The following AGBL4 variants were observed in gnomAD, a reference collection of about 807,000 sequenced individuals.
AGBL4 encodes the protein AGBL carboxypeptidase 4.
AGBL4 carries 58 observed loss-of-function variants against 66.4 expected under a neutral mutation model. The ratio of observed to expected loss-of-function variants is 0.87; its 90% confidence interval spans 0.71 to 1.09. The LOEUF is 1.09. Ranked by LOEUF, AGBL4 falls within the 50% of genes least tolerant of loss-of-function variation. The pLI, the probability that AGBL4 is intolerant of heterozygous loss-of-function variation, is 0.00. For synonymous variants in AGBL4, 234 were observed against 222.9 expected, an observed-to-expected ratio of 1.05 and a Z score of -0.44; for missense variants, 579 against 631.0, an observed-to-expected ratio of 0.92 and a Z score of 0.88.
intron 1 of AGBL4, among the ~76,000 whole-genome samples, chr1:49,910,711 C>CA (rs1650731326): frequency 6.6e-6 from 1 of 151,436 alleles, no homozygotes. Context: ...CACGGTGGCT[C>CA]ACGCCTGTAA....
At chr1:48,967,889 C>T (rs1327398681) in intron 5 of AGBL4, among the ~76,000 whole-genome samples, 2 of 152,142 alleles carry the variant, frequency 1.3e-5, no homozygotes, top group African/African-American at 2.4e-5. Flanking sequence ...CCACTCATCT[C>T]AGAGTTACTA....
At chr1:49,831,614 C>T (rs6704451) in intron 2 of AGBL4, among the ~76,000 whole-genome samples, 14,264 of 152,088 alleles carry the variant, frequency 0.094, 900 homozygotes, top group African/African-American at 0.17. Flanking sequence ...CTTTCTCTTG[C>T]CTAATTGCCC....
At chr1:49,732,888 T>A (rs1454331383) in intron 2 of AGBL4, among the ~76,000 whole-genome samples, 1 of 151,974 alleles carries the variant, frequency 6.6e-6, no homozygotes, top group African/African-American at 2.4e-5. Context: ...GTAAAAAACA[T>A]GAATCTACAG....
rs1402004253 is a variant in AGBL4, at chr1:49,948,104, A to G, written c.34+75659T>C. Among the ~76,000 whole-genome samples the G allele has an allele frequency of 6.3e-3, 583 of 92,150 alleles. 8 individuals carry two copies. Among genetic ancestry groups the G allele is most frequent in the Middle Eastern group, 0.033 (3 of 90 alleles). 60.5% of individuals were successfully genotyped at this position (92,150 alleles called of 152,430 possible). Reference sequence around the variant, plus strand: ...TATGTAAATATATGTATATGTATATATATGTAAATGTATGTAAATATATAT... The same window carrying G: ...TATGTAAATATATGTATATGTATATGTATGTAAATGTATGTAAATATATAT... On this transcript the variant is annotated intron_variant, in intron 1 of 13. Transcript: ENST00000371839.
chr1:49,854,433 G>A (rs1324235792), intron 1 of AGBL4, among the ~76,000 whole-genome samples: 2 of 152,092 alleles, frequency 1.3e-5, no homozygotes, highest in African/African-American at 2.4e-5. Context: ...CATCACAGAT[G>A]CCTGCAATAG....
chr1:49,835,811 T>C (rs1645832775), intron 2 of AGBL4, among the ~76,000 whole-genome samples: 2 of 152,212 alleles, frequency 1.3e-5, no homozygotes, highest in Admixed American at 1.3e-4. Flanking sequence ...TAGAGGATTT[T>C]ATTTCTCCTT....
intron 5 of AGBL4, among the ~76,000 whole-genome samples, chr1:49,038,251 C>T (rs1478247608): frequency 6.6e-6 from 1 of 152,040 alleles, no homozygotes; most frequent in Non-Finnish European, 1.5e-5. Flanking sequence ...TGAGGCTATA[C>T]ATATGCACAT....
chr1:49,568,642 A>C (rs898796559), intron 3 of AGBL4, among the ~76,000 whole-genome samples: 3 of 152,036 alleles, frequency 2.0e-5, no homozygotes, highest in African/African-American at 7.2e-5. Context: ...CATAGAACTA[A>C]AAAAAAACAA....
chr1:49,690,099 AGAC>A (rs1646858637), intron 3 of AGBL4, among the ~76,000 whole-genome samples: 1 of 152,216 alleles, frequency 6.6e-6, no homozygotes, highest in Non-Finnish European at 1.5e-5. Flanking sequence ...AAAAAGATTA[AGAC>A]TCACTGAAGC....
intron 4 of AGBL4, among the ~76,000 whole-genome samples, chr1:49,111,304 A>G (rs370412025): frequency 3.9e-5 from 6 of 151,988 alleles, no homozygotes; most frequent in South Asian, 2.1e-4. Flanking sequence ...AGTAGAGACG[A>G]GGTTTCACCG....
At chr1:49,004,550 T>C (rs1416777302) in intron 5 of AGBL4, among the ~76,000 whole-genome samples, 2 of 152,174 alleles carry the variant, frequency 1.3e-5, no homozygotes, top group Non-Finnish European at 2.9e-5. Flanking sequence ...AGCTCTGGGC[T>C]GGGCACTGGG....
chr1:49,781,835 A>G (rs1644345207), intron 2 of AGBL4, among the ~76,000 whole-genome samples: 1 of 152,250 alleles, frequency 6.6e-6, no homozygotes, highest in Non-Finnish European at 1.5e-5. Context: ...AACACACAGG[A>G]GAATTTTAGG....
chr1:49,440,068 A>AT (rs1645991795), intron 3 of AGBL4, among the ~76,000 whole-genome samples: 6 of 97,348 alleles, frequency 6.2e-5, no homozygotes, highest in Non-Finnish European at 1.2e-4. Flanking sequence ...TAAGGACTCT[A>AT]CTTTTTTTTT....
chr1:48,704,674 T>A (rs1284024625), intron 6 of AGBL4, among the ~76,000 whole-genome samples: 3 of 152,066 alleles, frequency 2.0e-5, no homozygotes, highest in African/African-American at 7.2e-5. Flanking sequence ...TACCTCCACA[T>A]CTTGTGACAC....
chr1:48,966,257 C>T (rs1044480281), intron 5 of AGBL4, among the ~76,000 whole-genome samples: 3 of 152,026 alleles, frequency 2.0e-5, no homozygotes, highest in Admixed American at 6.6e-5. Context: ...GTTCAGGTAA[C>T]GAGGCGTGAT....
At chr1:49,395,181 G>A (rs1252704997) in intron 3 of AGBL4, among the ~76,000 whole-genome samples, 1 of 152,218 alleles carries the variant, frequency 6.6e-6, no homozygotes, top group East Asian at 1.9e-4. Context: ...ACACATTAAG[G>A]GGTCATTAAT....
At chr1:49,553,071 C>T (rs1653097163) in intron 3 of AGBL4, among the ~76,000 whole-genome samples, 2 of 152,000 alleles carry the variant, frequency 1.3e-5, no homozygotes, top group South Asian at 2.1e-4. Context: ...TATGAAAACA[C>T]AGAGGAAAGA....
chr1:48,980,314 T>G (rs185855798), intron 5 of AGBL4, among the ~76,000 whole-genome samples: 1 of 152,202 alleles, frequency 6.6e-6, no homozygotes, highest in Non-Finnish European at 1.5e-5. Context: ...AATGAACACC[T>G]CCCTCAGAAG....
At chr1:49,751,958 TTCTC>T (rs964556861) in intron 2 of AGBL4, among the ~76,000 whole-genome samples, 1 of 151,664 alleles carries the variant, frequency 6.6e-6, no homozygotes. Context: ...TATTTGATTC[TTCTC>T]TCTTTTCTTT....
Sources: gnomAD v4.1 joint callset for allele counts (sites outside exome capture counted in the v4.1 genomes callset) on GRCh38, gnomAD v4.1.1 for gene constraint, MANE v1.5 for transcripts, NCBI Gene and HGNC (gene_info 2026-07-23, HGNC 2026-07-21) for gene names.